The following ANKRD36 variants were observed in gnomAD, a reference collection of about 807,000 sequenced individuals.
The protein encoded by ANKRD36 is ankyrin repeat domain 36.
ANKRD36 carries 179 observed loss-of-function variants against 278.1 expected under a neutral mutation model. The ratio of observed to expected loss-of-function variants is 0.64; its 90% CI spans 0.57 to 0.73. The LOEUF is 0.73. ANKRD36 is among the 30% of genes least tolerant of loss of function. The probability of loss-of-function intolerance (pLI) is 0.00; values close to 1 mark genes in which losing one functional copy is unlikely to be tolerated. For synonymous variants in ANKRD36, 320 were observed against 641.1 expected (o/e 0.50, Z 7.57); for missense variants, 1,159 against 1,956.7 (o/e 0.59, Z 7.69).
chr2:97,178,297 A>G (rs1019352928), intron 22 of ANKRD36, among the ~76,000 whole-genome samples: 1 of 152,024 alleles, frequency 6.6e-6, no homozygotes, highest in African/African-American at 2.4e-5. Flanking sequence ...AGAAGTGGAA[A>G]TACCATTTGA....
At chr2:97,228,473 G>A (rs376004915) in intron 67 of ANKRD36, among the ~76,000 whole-genome samples, 3,472 of 151,918 alleles carry the variant, frequency 0.023, 121 homozygotes, top group African/African-American at 0.079. Context: ...CTGTGGGATC[G>A]GTGGTGATAT....
rs773734999 is a variant in ANKRD36, at chr2:97,194,843, A to C, written c.2479-2A>C. ...TATTATTTTGTTTCAAATTCCACTC[A>C]GGCTACAAGTGATGAGAAGGATTCT... On this transcript the variant is annotated splice_acceptor_variant, in intron 39 of 75. Transcript: ENST00000420699. LOFTEE classifies it high-confidence loss of function. 177 of 1,592,636 alleles carry C rather than the reference A, an allele frequency of 1.1e-4. 4 individuals carry two copies. In the South Asian group the frequency reaches 2.0e-3, roughly 18 times the overall value.
At chr2:97,174,415 T>C (rs908085513) in intron 22 of ANKRD36, among the ~76,000 whole-genome samples, 3 of 151,588 alleles carry the variant, frequency 2.0e-5, no homozygotes, top group Admixed American at 6.6e-5. Flanking sequence ...CAGTGACTCA[T>C]TGCTCCTCTT....
At chr2:97,219,533 G>A (rs1265848619) in intron 66 of ANKRD36, among the ~76,000 whole-genome samples, 1 of 150,846 alleles carries the variant, frequency 6.6e-6, no homozygotes, top group Non-Finnish European at 1.5e-5. Context: ...CCAGGGTGGA[G>A]TGCAATGGCT....
chr2:97,192,403 C>T, intron 36 of ANKRD36, among the ~76,000 whole-genome samples: 1 of 151,342 alleles, frequency 6.6e-6, no homozygotes, highest in East Asian at 2.1e-4. Flanking sequence ...TAATTGTGTG[C>T]TTTCTCAGTT....
intron 24 of ANKRD36, among the ~76,000 whole-genome samples, 158 bp downstream of exon 24, chr2:97,180,091 C>A (rs2055696270): frequency 6.6e-6 from 1 of 151,530 alleles, no homozygotes; most frequent in Non-Finnish European, 1.5e-5. Context: ...GACCCTGATG[C>A]TGCTGGTCCT....
intron 22 of ANKRD36, among the ~76,000 whole-genome samples, chr2:97,170,274 C>T (rs1057226409): frequency 3.1e-4 from 47 of 149,944 alleles, no homozygotes; most frequent in African/African-American, 6.1e-4. Flanking sequence ...CAAAAATTAA[C>T]GGAGGCATCA....
At chr2:97,184,963 G>C (rs1029535201) in intron 28 of ANKRD36, among the ~76,000 whole-genome samples, 5 of 151,742 alleles carry the variant, frequency 3.3e-5, no homozygotes, top group Non-Finnish European at 5.9e-5. Context: ...CATGGAGGAT[G>C]ATGTAGCACC....
At chr2:97,188,507 G>T (rs954150816) in intron 32 of ANKRD36, among the ~76,000 whole-genome samples, 27 of 151,128 alleles carry the variant, frequency 1.8e-4, no homozygotes, top group Middle Eastern at 3.4e-3. Context: ...ACCACATGGG[G>T]GTGAGAGATA....
rs1446436877 is a variant in ANKRD36 at position 97,207,946 on chromosome 2, G to A, written c.3205G>A (p.Glu1069Lys). ...AAATTCCATTCAGGCTACAAGTGCC[G>A]AGAAAGATTCTGTTTTGAATATAGC... ...KPSGLKATSA[E>K]KDSVLNIARG... is the part of the protein sequence containing the mutation. The change falls in exon 54 of 76, where the codon GAG (glutamate) becomes AAG (lysine). Residue 1069 changes from glutamate to lysine, a missense_variant. By Grantham distance (56) the Glu-to-Lys change is moderately conservative (BLOSUM62 1). Transcript: ENST00000420699. The A allele has an allele frequency of 5.2e-6, 8 of 1,527,406 alleles. No homozygotes were observed. Among genetic ancestry groups the A allele is most frequent in the Admixed American group, 2.0e-5 (1 of 49,854 alleles). 94.6% of individuals were successfully genotyped at this position (1,527,406 alleles called of 1,614,324 possible).
Position 97,220,051 on chromosome 2 carries a change from CTG to C in ANKRD36, c.3877+839_3877+840del, listed in dbSNP as rs71274689. On this transcript the variant is annotated intron_variant, in intron 66 of 75. Coordinates refer to ENST00000420699, the MANE Select transcript of ANKRD36 (RefSeq NM_001354587.1). Reference sequence around the variant, plus strand: ...CCAATCGGATGTTCTGATTAGCACACTGTGTGTGTGTGTGTGTGTGTGTGTGT... The same window carrying C: ...CCAATCGGATGTTCTGATTAGCACACTGTGTGTGTGTGTGTGTGTGTGTGT... Among the ~76,000 whole-genome samples the C allele has an allele frequency of 6.4e-3, 706 of 111,178 alleles. 24 individuals carry two copies. The highest frequency in any genetic ancestry group is 0.017 in the Middle Eastern group (4 of 234). The allele number at this position is 111,178 out of a possible 152,430, so 72.9% of individuals were successfully genotyped here.
At chr2:97,179,408 A>C (rs2055441914) in intron 22 of ANKRD36, among the ~76,000 whole-genome samples, 1 of 151,650 alleles carries the variant, frequency 6.6e-6, no homozygotes, top group Non-Finnish European at 1.5e-5. Flanking sequence ...CAGGAGTATG[A>C]GTTGGACTCT....
intron 18 of ANKRD36, chr2:97,163,985 C>T (rs1419912090): frequency 3.3e-6 from 4 of 1,197,306 alleles, no homozygotes; most frequent in Non-Finnish European, 4.2e-6. Flanking sequence ...TTGGCTTCAT[C>T]CAGCTGATTC....
At chr2:97,225,290 T>A (rs2069064749) in intron 67 of ANKRD36, among the ~76,000 whole-genome samples, 1 of 152,046 alleles carries the variant, frequency 6.6e-6, no homozygotes, top group South Asian at 2.1e-4. Flanking sequence ...GTTTTTTTAT[T>A]GCCAGTCACT....
intron 67 of ANKRD36, among the ~76,000 whole-genome samples, chr2:97,229,147 T>C (rs1211976553): frequency 2.6e-5 from 4 of 151,636 alleles, no homozygotes; most frequent in Non-Finnish European, 4.4e-5. Flanking sequence ...TAGATGTCTA[T>C]TAGGTCCACT....
intron 5 of ANKRD36, among the ~76,000 whole-genome samples, chr2:97,125,878 T>C (rs1429277892): frequency 6.6e-6 from 1 of 151,822 alleles, no homozygotes; most frequent in African/African-American, 2.4e-5. Context: ...TCAGCAGTTA[T>C]ATGTAAAAGT....
intron 5 of ANKRD36, among the ~76,000 whole-genome samples, chr2:97,125,225 C>T (rs372209674): frequency 1.1e-4 from 16 of 151,776 alleles, no homozygotes; most frequent in African/African-American, 3.6e-4. Flanking sequence ...GTTTGACATC[C>T]CTCAATCTTC....
chr2:97,158,730 G>C, intron 17 of ANKRD36, 75 bp downstream of exon 17: 9 of 1,354,018 alleles, frequency 6.6e-6, no homozygotes, highest in Non-Finnish European at 9.0e-6. Context: ...ACTCTTATCT[G>C]TTAATGATCT....
intron 6 of ANKRD36, among the ~76,000 whole-genome samples, chr2:97,137,291 C>T (rs1270497420): frequency 3.3e-5 from 5 of 151,810 alleles, no homozygotes; most frequent in African/African-American, 7.3e-5. Context: ...GGATTACATA[C>T]GTGTGCCACC....
Sources: gnomAD v4.1 joint callset for allele counts (sites outside exome capture counted in the v4.1 genomes callset) on GRCh38, gnomAD v4.1.1 for gene constraint, MANE v1.5 for transcripts, NCBI Gene and HGNC (gene_info 2026-07-23, HGNC 2026-07-21) for gene names.